CERS6: variants seen among roughly 807,000 people sequenced by gnomAD.
CERS6 encodes ceramide synthase 6.
Under a neutral mutation model 56.8 loss-of-function variants are expected in CERS6, and 26 were observed. The ratio of observed to expected loss-of-function variants is 0.46; its 90% CI spans 0.34 to 0.63. The LOEUF (loss-of-function observed/expected upper bound fraction) is 0.63. CERS6 is among the 30% of genes least tolerant of loss of function. The pLI is 0.01. For synonymous variants in CERS6, 164 were observed against 173.3 expected (o/e 0.95, Z 0.42); for missense variants, 415 against 467.5 (o/e 0.89, Z 1.04).
At chr2:168,581,461 C>T (rs1032079928) in intron 3 of CERS6, among the ~76,000 whole-genome samples, 16 of 152,170 alleles carry the variant, frequency 1.1e-4, no homozygotes, top group Admixed American at 1.0e-3. Flanking sequence ...TGAGTTCTAA[C>T]TTCCCTTCCA....
chr2:168,665,729 G>T (rs1685740877), intron 4 of CERS6, among the ~76,000 whole-genome samples: 1 of 152,114 alleles, frequency 6.6e-6, no homozygotes, highest in African/African-American at 2.4e-5. Flanking sequence ...CTACAACAGT[G>T]ACTGACATAC....
At chr2:168,756,403 G>A (rs182806033) in intron 8 of CERS6, among the ~76,000 whole-genome samples, 6 of 152,194 alleles carry the variant, frequency 3.9e-5, no homozygotes, top group Non-Finnish European at 5.9e-5. Context: ...CTTTGGTTTT[G>A]TGTCTTGAAT....
chr2:168,761,871 A>G (rs945014877), intron 8 of CERS6, among the ~76,000 whole-genome samples: 5 of 152,146 alleles, frequency 3.3e-5, no homozygotes, highest in Non-Finnish European at 7.3e-5. Context: ...TTTACAAATT[A>G]CTTGTATTTA....
chr2:168,596,546 T>TC (rs368692828), intron 3 of CERS6, among the ~76,000 whole-genome samples: 5,101 of 104,964 alleles, frequency 0.049, 77 homozygotes, highest in South Asian at 0.069. Context: ...CAGGGCCCCA[T>TC]CCCCCCCCCT....
At chr2:168,540,360 A>C (rs1304650500) in intron 1 of CERS6, among the ~76,000 whole-genome samples, 1 of 152,200 alleles carries the variant, frequency 6.6e-6, no homozygotes, top group Non-Finnish European at 1.5e-5. Flanking sequence ...GCCTCAGGAA[A>C]CTTACAATCA....
intron 1 of CERS6, among the ~76,000 whole-genome samples, chr2:168,472,797 A>C (rs771877391): frequency 1.3e-5 from 2 of 152,186 alleles, no homozygotes; most frequent in African/African-American, 2.4e-5. Flanking sequence ...TAGGTGTATA[A>C]GTTTGTTGAC....
At chr2:168,646,705 G>A (rs993922178) in intron 4 of CERS6, among the ~76,000 whole-genome samples, 4 of 152,096 alleles carry the variant, frequency 2.6e-5, no homozygotes. Flanking sequence ...ATCTTGAGTT[G>A]ATTTTTGTAT....
intron 1 of CERS6, among the ~76,000 whole-genome samples, chr2:168,520,185 A>G (rs573985439): frequency 1.2e-3 from 189 of 152,176 alleles, no homozygotes; most frequent in Middle Eastern, 0.01. Context: ...ATGATTAGTG[A>G]TGTTGAACAT....
intron 8 of CERS6, among the ~76,000 whole-genome samples, chr2:168,731,784 A>G (rs1683541369): frequency 1.3e-5 from 2 of 152,200 alleles, no homozygotes; most frequent in South Asian, 4.1e-4. Context: ...TAGGTGCCCA[A>G]CCTCAAATTC....
At chr2:168,595,467 AG>A (rs549898588) in intron 3 of CERS6, among the ~76,000 whole-genome samples, 141 of 152,322 alleles carry the variant, frequency 9.3e-4, no homozygotes, top group African/African-American at 3.2e-3. Flanking sequence ...TTGAAAGAAA[AG>A]GTATAAATAC....
intron 8 of CERS6, among the ~76,000 whole-genome samples, chr2:168,723,869 A>G (rs954457432): frequency 1.3e-5 from 2 of 152,210 alleles, no homozygotes; most frequent in African/African-American, 4.8e-5. Context: ...CCGTAATTAC[A>G]TATCTTTTTG....
intron 6 of CERS6, among the ~76,000 whole-genome samples, chr2:168,705,914 T>C (rs1430774836): frequency 1.3e-5 from 2 of 152,178 alleles, no homozygotes; most frequent in African/African-American, 4.8e-5. Context: ...TTGAGTATGT[T>C]TTAAATGTCT....
At chr2:168,658,552 A>G (rs1351362935) in intron 4 of CERS6, among the ~76,000 whole-genome samples, 2 of 152,378 alleles carry the variant, frequency 1.3e-5, no homozygotes, top group East Asian at 3.9e-4. Context: ...GACCATAGTC[A>G]TCCCCAGCGT....
intron 4 of CERS6, among the ~76,000 whole-genome samples, chr2:168,665,959 T>TGTGTGTGC (rs1361114563): frequency 1.5e-5 from 2 of 135,370 alleles, no homozygotes; most frequent in Non-Finnish European, 3.2e-5. Context: ...AGACTGTGTG[T>TGTGTGTGC]GTGTGTGTGT....
At chr2:168,657,633 A>G (rs60907854) in intron 4 of CERS6, among the ~76,000 whole-genome samples, 5,438 of 152,212 alleles carry the variant, frequency 0.036, 237 homozygotes, top group African/African-American at 0.097. Flanking sequence ...GCGCCTGTGG[A>G]CCGGCACTGC....
intron 6 of CERS6, among the ~76,000 whole-genome samples, chr2:168,708,121 G>A (rs1396251582): frequency 2.0e-5 from 3 of 152,078 alleles, no homozygotes; most frequent in African/African-American, 7.2e-5. Flanking sequence ...CAAAGGCTGA[G>A]AAGCTATTAT....
intron 1 of CERS6, among the ~76,000 whole-genome samples, chr2:168,541,087 C>T (rs1001813396): frequency 6.7e-6 from 1 of 149,522 alleles, no homozygotes; most frequent in Non-Finnish European, 1.5e-5. Flanking sequence ...GCAGAGATCA[C>T]ATGGCAAGAG....
At chr2:168,603,403 A>G (rs192569704) in intron 3 of CERS6, among the ~76,000 whole-genome samples, 1 of 152,352 alleles carries the variant, frequency 6.6e-6, no homozygotes. Flanking sequence ...GGAAATAACT[A>G]CAGAGAATGA....
At chr2:168,670,377 G>A (rs1316452961) in intron 4 of CERS6, among the ~76,000 whole-genome samples, 1 of 152,008 alleles carries the variant, frequency 6.6e-6, no homozygotes, top group Non-Finnish European at 1.5e-5. Context: ...CACCACCTAG[G>A]TCTAATTATC....
Sources: gnomAD v4.1 joint callset for allele counts (sites outside exome capture counted in the v4.1 genomes callset) on GRCh38, gnomAD v4.1.1 for gene constraint, MANE v1.5 for transcripts, NCBI Gene and HGNC (gene_info 2026-07-23, HGNC 2026-07-21) for gene names.